Variants in DIP2C observed in about 807,000 individuals in gnomAD.
DIP2C encodes DIP2 acetate--CoA ligase C (putative).
A neutral mutation model predicts 192.4 loss-of-function variants in DIP2C; 33 were observed. The ratio of observed to expected loss-of-function variants is 0.17; its 90% confidence interval spans 0.13 to 0.23. The LOEUF is 0.23. Ranked by LOEUF, DIP2C falls within the 10% of genes least tolerant of loss-of-function variation. DIP2C has a pLI of 1.00. For synonymous variants in DIP2C, 979 were observed against 864.1 expected (o/e 1.13, Z -2.33); for missense variants, 1,537 against 2,110.1 (o/e 0.73, Z 5.32).
rs79402642 is a variant in DIP2C, at chr10:446,917, C to G, written c.269-5921G>C. Among the ~76,000 whole-genome samples the G allele has an allele frequency of 3.2e-3, 490 of 152,240 alleles. 19 individuals are homozygous for G. In the East Asian group the frequency reaches 0.086, roughly 27 times the overall value. The stretch of plus-strand genomic sequence containing the variant: ...CCAAGTGTGCCAGGCAAAACTACAC[C>G]ACATCAAGAGAACAAACTCAACTGG... On this transcript the variant is annotated intron_variant, in intron 3 of 36. Coordinates refer to ENST00000280886, the MANE Select transcript of DIP2C (RefSeq NM_014974.3).
At chr10:556,466 A>T (rs1198694967) in intron 1 of DIP2C, among the ~76,000 whole-genome samples, 1 of 145,372 alleles carries the variant, frequency 6.9e-6, no homozygotes, top group Non-Finnish European at 1.5e-5. Context: ...CAAGAGGGGG[A>T]TCCACACGCC....
chr10:368,819 G>A (rs995893697), intron 18 of DIP2C, among the ~76,000 whole-genome samples: 1 of 152,222 alleles, frequency 6.6e-6, no homozygotes, highest in Non-Finnish European at 1.5e-5. Flanking sequence ...ATTCCCAGCT[G>A]AGAAAAGAGA....
intron 1 of DIP2C, among the ~76,000 whole-genome samples, chr10:595,675 C>T (rs555718642): frequency 4.3e-4 from 66 of 152,312 alleles, no homozygotes; most frequent in Admixed American, 1.3e-3. Flanking sequence ...CCGGGTTTAC[C>T]GAAATCCACG....
chr10:511,169 C>T (rs1845988430), intron 1 of DIP2C, among the ~76,000 whole-genome samples: 3 of 152,196 alleles, frequency 2.0e-5, no homozygotes, highest in Non-Finnish European at 4.4e-5. Context: ...AACACACTGT[C>T]GCGATGCTGC....
At chr10:481,870 C>G (rs967255445) in intron 2 of DIP2C, among the ~76,000 whole-genome samples, 1 of 152,236 alleles carries the variant, frequency 6.6e-6, no homozygotes, top group Admixed American at 6.5e-5. Context: ...CCCCTCCGTG[C>G]CGCACCCACA....
intron 22 of DIP2C, among the ~76,000 whole-genome samples, chr10:359,192 C>T (rs768135520): frequency 4.6e-5 from 7 of 152,278 alleles, no homozygotes; most frequent in Admixed American, 6.5e-5. Context: ...AAAAAGCTCA[C>T]GGAAATGGTG....
intron 1 of DIP2C, among the ~76,000 whole-genome samples, chr10:685,459 A>G (rs554721009): frequency 5.9e-5 from 9 of 152,096 alleles, no homozygotes; most frequent in African/African-American, 2.2e-4. Context: ...CCTATTTTTC[A>G]AAACTTCTCT....
intron 1 of DIP2C, among the ~76,000 whole-genome samples, chr10:677,365 A>T (rs1166188110): frequency 6.6e-6 from 1 of 152,244 alleles, no homozygotes; most frequent in African/African-American, 2.4e-5. Flanking sequence ...GTGTGTGTTC[A>T]TAACTTACAT....
rs1263660136 is a variant in DIP2C, at chr10:422,869, C to T, written c.559G>A (p.Gly187Arg). 2 of 1,613,146 alleles carry T rather than the reference C, an allele frequency of 1.2e-6. No homozygotes were observed. Among genetic ancestry groups the T allele is most frequent in the Middle Eastern group, 1.9e-4 (1 of 5,306 alleles). ...SSSSTQSGGS[G>R]AAHRLADVMA... is the part of the protein sequence containing the mutation. ...ACGTCCGCCAGCCTGTGGGCAGCCC[C>T]GCTGCCCCCGCTCTGCGTAGAGGAC... The change falls in exon 5 of 37, where the codon GGG becomes AGG. Residue 187 changes from glycine (G) to arginine (R), a missense_variant. Physicochemically the swap from Gly to Arg is moderately radical, Grantham distance 125. Coordinates refer to ENST00000280886, the MANE Select transcript of DIP2C (RefSeq NM_014974.3).
At chr10:312,559 A>G (rs886533073) in intron 31 of DIP2C, among the ~76,000 whole-genome samples, 1 of 152,174 alleles carries the variant, frequency 6.6e-6, no homozygotes, top group African/African-American at 2.4e-5. Flanking sequence ...ACAAAGCCCA[A>G]TGGAAAAACT....
chr10:508,862 T>C (rs1264909078), intron 1 of DIP2C, among the ~76,000 whole-genome samples: 1 of 152,088 alleles, frequency 6.6e-6, no homozygotes. Flanking sequence ...AAGGCATCAC[T>C]CGAAAACACG....
At chr10:499,899 G>A (rs569658031) in intron 1 of DIP2C, among the ~76,000 whole-genome samples, 7 of 152,260 alleles carry the variant, frequency 4.6e-5, no homozygotes, top group East Asian at 1.9e-4. Context: ...CCAGCCCCTC[G>A]AACTTGTTAA....
intron 19 of DIP2C, 26 bp from the exon 20 acceptor site, chr10:364,608 C>T: frequency 1.2e-6 from 2 of 1,607,092 alleles, no homozygotes; most frequent in South Asian, 1.1e-5. Flanking sequence ...TCCATCAGGC[C>T]ACTGTTCATG....
chr10:670,411 C>T (rs577910218), intron 1 of DIP2C, among the ~76,000 whole-genome samples: 3 of 152,296 alleles, frequency 2.0e-5, no homozygotes, highest in African/African-American at 4.8e-5. Flanking sequence ...AGTATCATCT[C>T]AGGTACGTGG....
intron 31 of DIP2C, chr10:311,683 G>A (rs765007432): frequency 1.9e-5 from 16 of 833,576 alleles, no homozygotes; most frequent in South Asian, 6.2e-5. Flanking sequence ...GGATGGAGAA[G>A]AGGGAGGGGT....
chr10:305,988 T>C (rs1429689562), intron 32 of DIP2C, among the ~76,000 whole-genome samples: 1 of 129,102 alleles, frequency 7.7e-6, no homozygotes, highest in Admixed American at 7.7e-5. Flanking sequence ...TATATATATA[T>C]ATATATTATA....
In DIP2C at chr10:674,787, T is replaced by G. The variant is rs371357045; in HGVS notation, c.85+14707A>C. ...TCCATCTCAAATATATATATATATATATAGAGAGAGAGAGAGAGAGAGAGA... is the reference window on the plus strand; with the variant it reads ...TCCATCTCAAATATATATATATATAGATAGAGAGAGAGAGAGAGAGAGAGA... On this transcript the variant is annotated intron_variant, in intron 1 of 36. Transcript: ENST00000280886. Among the ~76,000 whole-genome samples the G allele has an allele frequency of 2.6e-3, 213 of 81,474 alleles. 1 individual carries two copies. Among genetic ancestry groups the G allele is most frequent in the African/African-American group, 0.013 (190 of 14,110 alleles). 53.5% of individuals were successfully genotyped at this position (81,474 alleles called of 152,430 possible).
chr10:654,307 A>C (rs916032216), intron 1 of DIP2C, among the ~76,000 whole-genome samples: 1 of 152,240 alleles, frequency 6.6e-6, no homozygotes, highest in Non-Finnish European at 1.5e-5. Flanking sequence ...ATGGGACAAA[A>C]GACAGAAGCC....
intron 1 of DIP2C, among the ~76,000 whole-genome samples, chr10:557,626 A>G (rs1848947539): frequency 8.1e-6 from 1 of 123,906 alleles, no homozygotes; most frequent in Non-Finnish European, 1.7e-5. Context: ...AAAATGCAAC[A>G]TATGACCCAA....
Sources: allele counts gnomAD v4.1 joint callset (sites outside exome capture counted in the v4.1 genomes callset), GRCh38; gene constraint gnomAD v4.1.1; transcripts MANE v1.5; gene names NCBI Gene and HGNC (gene_info 2026-07-23, HGNC 2026-07-21).